Variants in ROBO1 observed in about 807,000 individuals in gnomAD.
The protein encoded by ROBO1 is roundabout guidance receptor 1.
In ROBO1, 149 loss-of-function variants were observed where a neutral mutation model predicts 195.9. The ratio of observed to expected loss-of-function variants is 0.76; its 90% CI spans 0.67 to 0.87. ROBO1 has a LOEUF of 0.87. ROBO1 is among the 40% of genes least tolerant of loss of function. The probability of loss-of-function intolerance (pLI) is 0.00; values close to 1 mark genes in which losing one functional copy is unlikely to be tolerated. For missense variants in ROBO1, 1,933 were observed against 2,068.3 expected (o/e 0.93, Z 1.27); for synonymous variants, 816 against 733.2 (o/e 1.11, Z -1.82).
intron 4 of ROBO1, among the ~76,000 whole-genome samples, chr3:78,777,103 A>G (rs758932754): frequency 6.1e-4 from 93 of 152,194 alleles, no homozygotes; most frequent in Non-Finnish European, 8.8e-4. Flanking sequence ...GAGATTGACT[A>G]TCCTTAAGTG....
chr3:79,677,673 T>A lies in ROBO1; in HGVS notation c.-50-87712A>T, dbSNP rs75167166. Among the ~76,000 whole-genome samples the A allele has an allele frequency of 1.1e-4, 16 of 152,140 alleles. No individual in the cohort carries two copies. The East Asian group carries it at 3.1e-3, about 30-fold the overall frequency. On this transcript the variant is annotated intron_variant, in intron 1 of 30. Coordinates refer to ENST00000464233, the MANE Select transcript of ROBO1 (RefSeq NM_002941.4). ...CATATCAGCATGCAACTGCAAGTGG[T>A]CTCTGTGGCTGGCCTGTAGAGGCCA...
At chr3:79,037,382 A>G (rs1228385354) in intron 3 of ROBO1, among the ~76,000 whole-genome samples, 1 of 152,136 alleles carries the variant, frequency 6.6e-6, no homozygotes, top group African/African-American at 2.4e-5. Context: ...TACTCCTTAT[A>G]AATGCAACTG....
chr3:78,800,405 C>T (rs971158200), intron 4 of ROBO1, among the ~76,000 whole-genome samples: 1 of 152,078 alleles, frequency 6.6e-6, no homozygotes, highest in African/African-American at 2.4e-5. Context: ...AATGTGTATG[C>T]TCAGGAAAGT....
chr3:79,721,302 C>G (rs1162838786), intron 1 of ROBO1, among the ~76,000 whole-genome samples: 1 of 151,840 alleles, frequency 6.6e-6, no homozygotes, highest in Non-Finnish European at 1.5e-5. Context: ...AATAGAGAAA[C>G]AATTACAGTA....
intron 3 of ROBO1, among the ~76,000 whole-genome samples, chr3:79,015,678 A>G (rs1405398191): frequency 1.6e-4 from 24 of 151,990 alleles, no homozygotes; most frequent in Admixed American, 1.6e-3. Flanking sequence ...AATCTACCTG[A>G]AAAATGAATT....
At chr3:79,623,274 C>T (rs1945066479) in intron 1 of ROBO1, among the ~76,000 whole-genome samples, 1 of 152,118 alleles carries the variant, frequency 6.6e-6, no homozygotes, top group African/African-American at 2.4e-5. Flanking sequence ...ACCCAAAAGG[C>T]CAGAATGTCT....
chr3:79,311,260 GAGA>G (rs1335061878), intron 2 of ROBO1, among the ~76,000 whole-genome samples: 1 of 152,130 alleles, frequency 6.6e-6, no homozygotes, highest in Non-Finnish European at 1.5e-5. Flanking sequence ...CTAGTAAACT[GAGA>G]AGAATGAGGA....
chr3:78,937,705 C>T (rs933262747), intron 4 of ROBO1, among the ~76,000 whole-genome samples: 4 of 152,098 alleles, frequency 2.6e-5, no homozygotes, highest in African/African-American at 9.7e-5. Context: ...GTATTTGGTG[C>T]TAGTGTAAAT....
At chr3:79,696,456 T>A in intron 1 of ROBO1, among the ~76,000 whole-genome samples, 1 of 132,168 alleles carries the variant, frequency 7.6e-6, no homozygotes, top group Non-Finnish European at 1.7e-5. Flanking sequence ...TATATCTAAA[T>A]AATATATATA....
At chr3:79,055,025 T>C (rs527870151) in intron 3 of ROBO1, among the ~76,000 whole-genome samples, 1 of 152,184 alleles carries the variant, frequency 6.6e-6, no homozygotes, top group South Asian at 2.1e-4. Context: ...GTAGCACCAT[T>C]CCTCTAAATT....
chr3:79,141,266 T>C (rs1158292084), intron 2 of ROBO1, among the ~76,000 whole-genome samples: 1 of 152,088 alleles, frequency 6.6e-6, no homozygotes, highest in Non-Finnish European at 1.5e-5. Flanking sequence ...GTGGCTGCCA[T>C]CCATCTGTGA....
At chr3:78,953,683 G>A (rs534497924) in intron 3 of ROBO1, among the ~76,000 whole-genome samples, 1 of 152,116 alleles carries the variant, frequency 6.6e-6, no homozygotes, top group African/African-American at 2.4e-5. Flanking sequence ...TGAGGGGAAA[G>A]TAATTAAAAC....
intron 2 of ROBO1, among the ~76,000 whole-genome samples, chr3:79,165,704 G>A (rs553675031): frequency 2.8e-4 from 42 of 152,240 alleles, no homozygotes; most frequent in Admixed American, 1.4e-3. Context: ...ATAATGGCAC[G>A]ATGTGCACCA....
intron 4 of ROBO1, among the ~76,000 whole-genome samples, chr3:78,904,771 T>G (rs778961182): frequency 6.6e-6 from 1 of 151,042 alleles, no homozygotes; most frequent in Non-Finnish European, 1.5e-5. Context: ...TATATATGTA[T>G]AGGTATATAT....
At chr3:79,722,710 C>T (rs1243638852) in intron 1 of ROBO1, among the ~76,000 whole-genome samples, 1 of 152,168 alleles carries the variant, frequency 6.6e-6, no homozygotes, top group East Asian at 1.9e-4. Context: ...GTGCAGCCTC[C>T]TATTCTTTAC....
chr3:78,829,741 A>G (rs563525290), intron 4 of ROBO1, among the ~76,000 whole-genome samples: 6 of 152,204 alleles, frequency 3.9e-5, no homozygotes, highest in Non-Finnish European at 8.8e-5. Flanking sequence ...AGCGTTGTAG[A>G]TAAGAGTTCT....
intron 2 of ROBO1, among the ~76,000 whole-genome samples, chr3:79,154,933 C>T (rs1427602244): frequency 1.3e-5 from 2 of 151,750 alleles, no homozygotes. Flanking sequence ...ATAATAACCA[C>T]CTCCCATTTT....
At chr3:78,971,754 T>C (rs146470530) in intron 3 of ROBO1, among the ~76,000 whole-genome samples, 3,098 of 152,192 alleles carry the variant, frequency 0.02, 71 homozygotes, top group Middle Eastern at 0.13. Flanking sequence ...TTTTTTGTTG[T>C]TGTTGTTGTT....
chr3:79,302,940 C>T (rs374768329), intron 2 of ROBO1, among the ~76,000 whole-genome samples: 2 of 151,874 alleles, frequency 1.3e-5, no homozygotes, highest in East Asian at 1.9e-4. Flanking sequence ...TTGTGTCACC[C>T]GTATTTACAA....
Sources: gnomAD v4.1 joint callset for allele counts (sites outside exome capture counted in the v4.1 genomes callset) on GRCh38, gnomAD v4.1.1 for gene constraint, MANE v1.5 for transcripts, NCBI Gene and HGNC (gene_info 2026-07-23, HGNC 2026-07-21) for gene names.